Variants in EFCAB6 observed in about 807,000 individuals in gnomAD.
EFCAB6 encodes EF-hand calcium binding domain 6, also known as EF-hand calcium-binding domain-containing protein 6.
In EFCAB6, 156 loss-of-function variants were observed where a neutral mutation model predicts 169.8. The ratio of observed to expected loss-of-function variants is 0.92; its 90% CI spans 0.81 to 1.05. The LOEUF is 1.05. Ranked by LOEUF, EFCAB6 falls within the 50% of genes least tolerant of loss-of-function variation. The pLI, the probability that EFCAB6 is intolerant of heterozygous loss-of-function variation, is 0.00. For missense variants in EFCAB6, 1,800 were observed against 1,829.1 expected (o/e 0.98, Z 0.29); for synonymous variants, 698 against 676.4 (o/e 1.03, Z -0.50).
chr22:43,804,608 T>A (rs1001516154), intron 2 of EFCAB6, among the ~76,000 whole-genome samples: 27 of 151,990 alleles, frequency 1.8e-4, no homozygotes, highest in East Asian at 7.7e-4. Context: ...AAACTTTTTT[T>A]AAAAAATTAG....
At position 43,554,860 on chromosome 22, in the gene EFCAB6, G is replaced by A. The variant is rs370697039; in HGVS notation, c.3648+9C>T. The A allele has an allele frequency of 4.8e-5, 77 of 1,613,694 alleles. No individual in the cohort carries two copies. The highest frequency in any genetic ancestry group is 1.9e-4 in the African/African-American group (14 of 75,038). ...GTGTGCAGGGTGAGGACTGACTGGC[G>A]TTTCTTACCTGTTCGTCCGTCAGGA... On this transcript the variant is annotated intron_variant, in intron 27 of 31. Transcript: ENST00000262726.
intron 17 of EFCAB6, among the ~76,000 whole-genome samples, chr22:43,648,481 C>T (rs766157035): frequency 1.4e-4 from 21 of 152,194 alleles, no homozygotes; most frequent in Non-Finnish European, 2.6e-4. Context: ...ACTGCATGTT[C>T]TCACTGATAA....
At chr22:43,574,579 T>C (rs1481502256) in intron 26 of EFCAB6, among the ~76,000 whole-genome samples, 3 of 152,086 alleles carry the variant, frequency 2.0e-5, no homozygotes, top group Non-Finnish European at 4.4e-5. Flanking sequence ...ACTGCTATCC[T>C]TTTTTACGTA....
At chr22:43,577,726 G>T (rs2050351324) in intron 25 of EFCAB6, among the ~76,000 whole-genome samples, 1 of 152,136 alleles carries the variant, frequency 6.6e-6, no homozygotes, top group African/African-American at 2.4e-5. Flanking sequence ...AATGGCAGCG[G>T]CAGGCTCAGG....
chr22:43,681,777 A>G (rs989599513), intron 12 of EFCAB6, among the ~76,000 whole-genome samples: 3 of 152,162 alleles, frequency 2.0e-5, no homozygotes, highest in Non-Finnish European at 4.4e-5. Context: ...TGGACTTTCT[A>G]TTAACTAAAT....
intron 5 of EFCAB6, among the ~76,000 whole-genome samples, chr22:43,764,137 G>A (rs375105947): frequency 6.6e-6 from 1 of 152,038 alleles, no homozygotes; most frequent in East Asian, 1.9e-4. Context: ...CTGAGGTTTG[G>A]GGTACAAATA....
intron 2 of EFCAB6, among the ~76,000 whole-genome samples, chr22:43,791,502 G>A (rs1369514200): frequency 6.6e-6 from 1 of 152,092 alleles, no homozygotes. Flanking sequence ...GTCCTCCAAC[G>A]TTCACCGTTG....
chr22:43,783,481 A>C lies in EFCAB6; in HGVS notation c.-7-1156T>G, dbSNP rs565747763. On this transcript the variant is annotated intron_variant, in intron 2 of 31. Transcript: ENST00000262726. ...AAGCAGGAAATGAAGGCTAAGACAG[A>C]GTTATAAACTGCCTAGCTAAGTGTT... Among the ~76,000 whole-genome samples, 29 of 152,306 alleles carry C rather than the reference A, an allele frequency of 1.9e-4. No homozygotes were observed. In the South Asian group the frequency reaches 6.0e-3, roughly 32 times the overall value.
In EFCAB6 at chr22:43,736,647, C is replaced by G. The variant is rs114979842; in HGVS notation, c.508-654G>C. ...GATATTTATTGGGCTCACAGACGCA[C>G]ACAATGTTAGGATAGACCCTGTGGA... On this transcript the variant is annotated intron_variant, in intron 6 of 31. Coordinates refer to ENST00000262726, the MANE Select transcript of EFCAB6 (RefSeq NM_022785.4). Among the ~76,000 whole-genome samples, 428 of 152,038 alleles carry G rather than the reference C, an allele frequency of 2.8e-3. 4 individuals carry two copies. The highest frequency in any genetic ancestry group is 0.01 in the African/African-American group (418 of 41,406).
chr22:43,622,084 G>A (rs1377765836), intron 20 of EFCAB6, among the ~76,000 whole-genome samples: 1 of 152,060 alleles, frequency 6.6e-6, no homozygotes, highest in African/African-American at 2.4e-5. Context: ...TGATTTCACT[G>A]GTTAATTTAA....
chr22:43,686,589 T>C (rs936857238), intron 11 of EFCAB6, among the ~76,000 whole-genome samples: 21 of 151,618 alleles, frequency 1.4e-4, no homozygotes, highest in African/African-American at 4.8e-4. Context: ...TAACTTCACA[T>C]AACGAATGAA....
Position 43,687,485 on chromosome 22 carries a change from C to G in EFCAB6, c.1128G>C (p.Leu376=). 2 of 1,200,922 alleles carry G rather than the reference C, an allele frequency of 1.7e-6. No homozygotes were observed. Among genetic ancestry groups the G allele is most frequent in the South Asian group, 3.9e-5 (2 of 51,486 alleles). 74.4% of individuals were successfully genotyped at this position (1,200,922 alleles called of 1,614,324 possible). A position where few individuals can be genotyped will look rare whatever the true frequency, so the allele number is the denominator to read the frequency against. Residue 376 remains leucine, a synonymous_variant, in exon 11 of 32, where the codon CTG becomes CTC. Coordinates refer to ENST00000262726, the MANE Select transcript of EFCAB6 (RefSeq NM_022785.4). Reference sequence around the variant, plus strand: ...TTTTTACATACCTATTTCTTTTTGTCAGGGGACCTTTACTGCTAACTTGCA... The same window carrying G: ...TTTTTACATACCTATTTCTTTTTGTGAGGGGACCTTTACTGCTAACTTGCA... ...QGLQVSSKGP[L]TKRNSINSRN...
chr22:43,710,786 C>CA (rs999378210), intron 10 of EFCAB6, among the ~76,000 whole-genome samples: 7 of 152,230 alleles, frequency 4.6e-5, no homozygotes, highest in Admixed American at 3.9e-4. Flanking sequence ...TTTTGTCCCC[C>CA]CCACTCCCCA....
chr22:43,677,911 A>G (rs1462266128), intron 13 of EFCAB6, 85 bp downstream of exon 13: 1 of 1,359,620 alleles, frequency 7.4e-7, no homozygotes, highest in Non-Finnish European at 1.0e-6. Context: ...TATTTAAACC[A>G]TATTTCACTT....
intron 2 of EFCAB6, among the ~76,000 whole-genome samples, chr22:43,802,341 C>T (rs2062753859): frequency 6.6e-6 from 1 of 152,024 alleles, no homozygotes; most frequent in Admixed American, 6.6e-5. Context: ...CCAGCCTGAC[C>T]AACATGGCGA....
At chr22:43,562,991 C>T (rs537352540) in intron 26 of EFCAB6, among the ~76,000 whole-genome samples, 18 of 152,250 alleles carry the variant, frequency 1.2e-4, no homozygotes, top group East Asian at 3.9e-4. Context: ...CTATCTGGGA[C>T]GAGCCCTTCA....
At chr22:43,768,533 A>C (rs6006443) in intron 4 of EFCAB6, among the ~76,000 whole-genome samples, 133,590 of 152,226 alleles carry the variant, frequency 0.88, 58,666 homozygotes, top group East Asian at 0.99. Flanking sequence ...AAGGGAAGCC[A>C]TGCCCTTCAT....
At chr22:43,761,205 T>C (rs775706867) in intron 5 of EFCAB6, among the ~76,000 whole-genome samples, 2 of 152,242 alleles carry the variant, frequency 1.3e-5, no homozygotes, top group Non-Finnish European at 2.9e-5. Flanking sequence ...GATCTTGGAC[T>C]GCCCAGCTTC....
chr22:43,752,471 C>A (rs74572820), intron 6 of EFCAB6, among the ~76,000 whole-genome samples: 3 of 152,122 alleles, frequency 2.0e-5, no homozygotes, highest in African/African-American at 7.2e-5. Context: ...TTCAGACATC[C>A]GCCCTTCTTG....
Sources: gnomAD v4.1 joint callset for allele counts (sites outside exome capture counted in the v4.1 genomes callset) on GRCh38, gnomAD v4.1.1 for gene constraint, MANE v1.5 for transcripts, NCBI Gene and HGNC (gene_info 2026-07-23, HGNC 2026-07-21) for gene names.